Variants in DOCK11 observed in about 807,000 individuals in gnomAD.
DOCK11 encodes dedicator of cytokinesis 11.
A neutral mutation model predicts 169.1 loss-of-function variants in DOCK11; 70 were observed. That is an observed-to-expected ratio of 0.41 (90% CI 0.34 to 0.51). The LOEUF (loss-of-function observed/expected upper bound fraction) is 0.51, where lower values mean the gene tolerates loss of function less well. Among genes scored for constraint, DOCK11 ranks in the 20% least tolerant of loss-of-function variants. The pLI is 0.10. For synonymous variants in DOCK11, 529 were observed against 541.3 expected (o/e 0.98, Z 0.32); for missense variants, 1,166 against 1,538.8 (o/e 0.76, Z 4.05).
intron 1 of DOCK11, among the ~76,000 whole-genome samples, chrX:118,519,812 T>C (rs2080004225): frequency 8.9e-6 from 1 of 111,928 alleles, no homozygotes; most frequent in African/African-American, 3.2e-5. Context: ...GTAATGCAAG[T>C]AACCATCCAC....
chrX:118,539,443 G>A (rs1603042583), intron 1 of DOCK11, among the ~76,000 whole-genome samples: 2 of 110,996 alleles, frequency 1.8e-5, no homozygotes, highest in East Asian at 2.8e-4. Flanking sequence ...GCAAAGTGGG[G>A]GAGATGGTAG....
intron 40 of DOCK11, among the ~76,000 whole-genome samples, chrX:118,648,005 TATA>T (rs1162402650): frequency 1.6e-3 from 46 of 28,773 alleles, no homozygotes; most frequent in African/African-American, 4.9e-3. Flanking sequence ...AATATATTAT[TATA>T]ATATATAATA....
At chrX:118,548,073 G>A (rs1378880213) in intron 6 of DOCK11, among the ~76,000 whole-genome samples, 1 of 111,460 alleles carries the variant, frequency 9.0e-6, no homozygotes, top group African/African-American at 3.3e-5. Flanking sequence ...AATGCATGAA[G>A]GAATGAATGG....
Position 118,588,482 on chromosome X carries a change from T to G in DOCK11, c.2046+4T>G, listed in dbSNP as rs2013886140. ...AAGTGACGCTAGTGCCCTAAAGGTT[T>G]GTTTATGATATTGATAGGCATATGT... On this transcript the variant is annotated splice_donor_region_variant and intron_variant, in intron 18 of 52. Coordinates refer to ENST00000276202, the MANE Select transcript of DOCK11 (RefSeq NM_144658.4). The G allele has an allele frequency of 3.4e-6, 4 of 1,167,672 alleles. No individual in the cohort carries two copies. The highest frequency in any genetic ancestry group is 4.6e-6 in the Non-Finnish European group (4 of 873,102).
rs2057544911 is a variant in DOCK11 at position 118,497,349 on chromosome X, A to G, written c.102+1276A>G. Among the ~76,000 whole-genome samples the G allele has an allele frequency of 1.8e-5, 2 of 112,039 alleles. 1 individual carries two copies. The highest frequency in any genetic ancestry group is 7.4e-4 in the South Asian group (2 of 2,702). The stretch of plus-strand genomic sequence containing the variant: ...GATCCCAACAGTGGAGAAAGTTGAC[A>G]TTAGTGGGAGTTCTGGAGGAGGATC... On this transcript the variant is annotated intron_variant, in intron 1 of 52. Transcript: ENST00000276202.
chrX:118,552,283 G>C (rs926520351), intron 6 of DOCK11, among the ~76,000 whole-genome samples: 9 of 111,400 alleles, frequency 8.1e-5, no homozygotes. Flanking sequence ...GCTGTAGACA[G>C]TTTAACCTTC....
At chrX:118,581,890 G>T (rs1316870390) in intron 14 of DOCK11, among the ~76,000 whole-genome samples, 1 of 106,554 alleles carries the variant, frequency 9.4e-6, no homozygotes, top group African/African-American at 3.5e-5. Flanking sequence ...CCAGCAGTTT[G>T]GGAGGCTGAG....
chrX:118,572,796 A>T (rs1230976519), intron 11 of DOCK11, among the ~76,000 whole-genome samples: 2 of 111,809 alleles, frequency 1.8e-5, no homozygotes, highest in Admixed American at 1.9e-4. Context: ...CATTGTGAGG[A>T]TTCATGAAAA....
At chrX:118,680,419 C>T (rs45610844) in intron 48 of DOCK11, 63 bp from the exon 49 acceptor site, 19 of 686,421 alleles carry the variant, frequency 2.8e-5, no homozygotes, top group Non-Finnish European at 3.5e-5. Context: ...CTCCTTTTCC[C>T]TTCCACTGAA....
intron 1 of DOCK11, among the ~76,000 whole-genome samples, chrX:118,516,018 T>TATATATATATATATATGC (rs1269373292): frequency 1.2e-5 from 1 of 81,501 alleles, no homozygotes; most frequent in African/African-American, 5.2e-5. Context: ...TATATATATA[T>TATATATATATATATATGC]ACATTCTTAC....
At chrX:118,668,762 CCTACCCTATAT>C (rs1454044860) in intron 45 of DOCK11, among the ~76,000 whole-genome samples, 2 of 110,797 alleles carry the variant, frequency 1.8e-5, no homozygotes, top group Non-Finnish European at 3.8e-5. Context: ...TAGTGTCTTG[CCTACCCTATAT>C]TGATAAGGAG....
intron 23 of DOCK11, among the ~76,000 whole-genome samples, chrX:118,601,188 C>T (rs1005294049): frequency 9.0e-5 from 10 of 111,001 alleles, no homozygotes; most frequent in Non-Finnish European, 1.5e-4. Context: ...CCTTGGGAGG[C>T]CCAGGCAGGC....
rs892344472 is a variant in DOCK11 at position 118,562,677 on chromosome X, T to C, written c.693+1160T>C. ...AGCATTCTAAAGCGTTGCACACATATATGGCTTGCCTTACATTTTTTTCCT... is the reference window on the plus strand; with the variant it reads ...AGCATTCTAAAGCGTTGCACACATACATGGCTTGCCTTACATTTTTTTCCT... On this transcript the variant is annotated intron_variant, in intron 7 of 52. Coordinates refer to ENST00000276202, the MANE Select transcript of DOCK11 (RefSeq NM_144658.4). 9.8e-5 allele frequency among the ~76,000 whole-genome samples: 11 copies of C among 112,029 alleles called. No individual in the cohort carries two copies. In the East Asian group the frequency reaches 1.7e-3, roughly 17 times the overall value.
chrX:118,521,694 C>T (rs1322335519), intron 1 of DOCK11, among the ~76,000 whole-genome samples: 1 of 112,064 alleles, frequency 8.9e-6, no homozygotes, highest in Non-Finnish European at 1.9e-5. Flanking sequence ...GCAAAAGCCA[C>T]GTCTATTCTA....
chrX:118,563,715 C>CT (rs1224735240), intron 7 of DOCK11, among the ~76,000 whole-genome samples: 83 of 99,887 alleles, frequency 8.3e-4, no homozygotes, highest in Admixed American at 1.3e-3. Context: ...TTTTTCTTTT[C>CT]TTTTTTTTTT....
chrX:118,510,624 G>A (rs1186310741), intron 1 of DOCK11, among the ~76,000 whole-genome samples: 1 of 111,079 alleles, frequency 9.0e-6, no homozygotes, highest in Admixed American at 9.6e-5. Flanking sequence ...GTGGCGGGGG[G>A]TCAGCGGGGA....
intron 36 of DOCK11, among the ~76,000 whole-genome samples, chrX:118,636,944 C>T (rs1175539138): frequency 9.0e-6 from 1 of 111,376 alleles, no homozygotes; most frequent in Non-Finnish European, 1.9e-5. Context: ...TCATCCTGAG[C>T]TATTTTTATA....
At chrX:118,532,555 T>C (rs904936374) in intron 1 of DOCK11, among the ~76,000 whole-genome samples, 5 of 107,516 alleles carry the variant, frequency 4.7e-5, no homozygotes, top group Non-Finnish European at 9.6e-5. Flanking sequence ...CCGAGGCGGG[T>C]GGATCACGAG....
In DOCK11 at chrX:118,648,174, TAATAG is replaced by T. The variant is rs1569441265; in HGVS notation, c.4399-770_4399-766del. On this transcript the variant is annotated intron_variant, in intron 40 of 52. Coordinates refer to ENST00000276202, the MANE Select transcript of DOCK11 (RefSeq NM_144658.4). ...ATATATAATAATATAATATATAATA[TAATAG>T]TAATATATAATAATATAATATATAA... 4.0e-3 allele frequency among the ~76,000 whole-genome samples: 274 copies of T among 67,996 alleles called. 1 individual carries two copies. The highest frequency in any genetic ancestry group is 0.019 in the African/African-American group (261 of 14,096). The allele number at this position is 67,996 out of a possible 115,157, so 59.0% of individuals were successfully genotyped here.
Sources: allele counts gnomAD v4.1 joint callset (sites outside exome capture counted in the v4.1 genomes callset), GRCh38; gene constraint gnomAD v4.1.1; transcripts MANE v1.5; gene names NCBI Gene and HGNC (gene_info 2026-07-23, HGNC 2026-07-21).